Variants in UNC13A observed in about 807,000 individuals in gnomAD.
The protein encoded by UNC13A is unc-13 homolog A.
A neutral mutation model predicts 219.7 loss-of-function variants in UNC13A; 61 were observed. That is an observed-to-expected ratio of 0.28 (90% CI 0.23 to 0.34). The LOEUF is 0.34. Among genes scored for constraint, UNC13A ranks in the 10% least tolerant of loss-of-function variants. UNC13A has a pLI of 1.00. For synonymous variants in UNC13A, 920 were observed against 884.6 expected (o/e 1.04, Z -0.71); for missense variants, 1,476 against 2,270.3 (o/e 0.65, Z 7.11).
chr19:17,656,430 G>C, intron 9 of UNC13A, 32 bp from the exon 10 acceptor site: 1 of 1,471,974 alleles, frequency 6.8e-7, no homozygotes, highest in Non-Finnish European at 9.0e-7. Flanking sequence ...CAGGGACTGG[G>C]GTACCGAGTC....
chr19:17,684,837 G>C (rs1311792583), intron 1 of UNC13A, among the ~76,000 whole-genome samples: 1 of 152,248 alleles, frequency 6.6e-6, no homozygotes, highest in African/African-American at 2.4e-5. Flanking sequence ...GTGTCTAGGA[G>C]TGGGGTGTCA....
chr19:17,605,178 G>A lies in UNC13A; in HGVS notation c.*876C>T, dbSNP rs2076508145. The A allele has an allele frequency of 6.5e-6, 1 of 152,698 alleles. No individual in the cohort carries two copies. The highest frequency in any genetic ancestry group is 1.5e-5 in the Non-Finnish European group (1 of 68,092). The allele number at this position is 152,698 out of a possible 1,614,324, so 9.5% of individuals were successfully genotyped here. A position where few individuals can be genotyped will look rare whatever the true frequency, so the allele number is the denominator to read the frequency against. On this transcript the variant is annotated 3_prime_UTR_variant, in exon 44 of 44. Transcript: ENST00000519716. The stretch of plus-strand genomic sequence containing the variant: ...TAGCAGCAATAGGGAGCTGTGTCAG[G>A]TCATCCCGATCTCAGCCCACCCTTC...
At chr19:17,615,610 C>T (rs544997336) in intron 41 of UNC13A, among the ~76,000 whole-genome samples, 104 of 151,768 alleles carry the variant, frequency 6.9e-4, no homozygotes, top group Non-Finnish European at 1.2e-3. Context: ...AACCAGGAGG[C>T]GGACGGAGGT....
At chr19:17,614,749 G>A (rs1036945992) in intron 41 of UNC13A, among the ~76,000 whole-genome samples, 7 of 152,094 alleles carry the variant, frequency 4.6e-5, no homozygotes, top group African/African-American at 7.2e-5. Context: ...TTTGCTGCAC[G>A]CCCCAGGCCG....
intron 43 of UNC13A, 77 bp from the exon 44 acceptor site, chr19:17,606,431 T>G: frequency 6.7e-7 from 1 of 1,499,570 alleles, no homozygotes; most frequent in Non-Finnish European, 8.9e-7. Flanking sequence ...CCCCACCGCA[T>G]TTGCGGGCCA....
At chr19:17,650,642 TAA>T (rs2079326959) in intron 12 of UNC13A, among the ~76,000 whole-genome samples, 1 of 151,688 alleles carries the variant, frequency 6.6e-6, no homozygotes, top group South Asian at 2.1e-4. Flanking sequence ...AACGCCTGGC[TAA>T]TTTTTGTATT....
rs2079594108 is a variant in UNC13A, at chr19:17,663,774, CCT to C, written c.524-209_524-208del. 2.0e-5 allele frequency among the ~76,000 whole-genome samples: 3 copies of C among 151,866 alleles called. No individual in the cohort carries two copies. In the South Asian group the frequency reaches 6.3e-4, roughly 32 times the overall value. ...CACCTTGGGAGGAAGGTGGGATATC[CCT>C]GTTTGTTTATTTTTTTCTTTTCTTT... is the stretch of plus-strand genomic sequence containing the variant. On this transcript the variant is annotated intron_variant, in intron 7 of 43. Coordinates refer to ENST00000519716, the MANE Select transcript of UNC13A (RefSeq NM_001080421.3).
chr19:17,655,368 T>C lies in UNC13A; in HGVS notation c.1298A>G (p.Glu433Gly). 1 of 1,583,110 alleles carries C rather than the reference T, an allele frequency of 6.3e-7. No homozygotes were observed. Among genetic ancestry groups the C allele is most frequent in the Non-Finnish European group, 8.6e-7 (1 of 1,164,992 alleles). ...CTGCCCCTCCTGGCCTTCCTCATCC[T>C]CTCTCGGCCTGAAACTGAGGCAGGG... Reference protein sequence around the residue: ...PKDEESFRPREDEEGQEGQDS... With the variant: ...PKDEESFRPRGDEEGQEGQDS... The change falls in exon 11 of 44, where the codon GAG becomes GGG. Residue 433 changes from glutamate to glycine, a missense_variant. Around this residue, in one of 14 missense-constraint regions of UNC13A, gnomAD observed 351 missense variants for 342.6 expected, o/e 1.02. Transcript: ENST00000519716.
Position 17,626,776 on chromosome 19 carries a change from C to T in UNC13A, c.3930G>A (p.Pro1310=), listed in dbSNP as rs747744867. 3.9e-5 allele frequency: 62 copies of T among 1,609,884 alleles called. No individual in the cohort carries two copies. The highest frequency in any genetic ancestry group is 5.3e-5 in the African/African-American group (4 of 74,860). Residue 1310 remains proline, a synonymous_variant, in exon 34 of 44, where the codon CCG becomes CCA. Coordinates refer to ENST00000519716, the MANE Select transcript of UNC13A (RefSeq NM_001080421.3). ...LSRVFATSFQ[P]HIEECVKQMG... Reference sequence around the variant, plus strand: ...TCTGTTTGACACACTCTTCAATGTGCGGCTGGAAGCTGGGGACACAGAAGG... The same window carrying T: ...TCTGTTTGACACACTCTTCAATGTGTGGCTGGAAGCTGGGGACACAGAAGG...
At chr19:17,662,927 A>AG (rs1314831369) in intron 8 of UNC13A, among the ~76,000 whole-genome samples, 1 of 151,760 alleles carries the variant, frequency 6.6e-6, no homozygotes, top group Non-Finnish European at 1.5e-5. Context: ...CTCAAAAAAA[A>AG]AAAAAAAAAG....
intron 41 of UNC13A, chr19:17,616,279 G>C: frequency 1.8e-6 from 1 of 540,650 alleles, no homozygotes. Flanking sequence ...CCTCCAAGCC[G>C]CTCAGGCCTG....
chr19:17,679,001 GTA>G (rs2079954988), intron 1 of UNC13A, among the ~76,000 whole-genome samples: 1 of 152,144 alleles, frequency 6.6e-6, no homozygotes, highest in Non-Finnish European at 1.5e-5. Context: ...GCACATGCCT[GTA>G]ATCCCAGCTA....
intron 28 of UNC13A, 91 bp downstream of exon 28, chr19:17,632,691 C>A: frequency 2.5e-6 from 4 of 1,588,790 alleles, no homozygotes. Context: ...GCCCAGGTAA[C>A]CCTAAGTAGG....
chr19:17,686,298 G>GCC (rs533722538), intron 1 of UNC13A, among the ~76,000 whole-genome samples: 12 of 81,886 alleles, frequency 1.5e-4, no homozygotes, highest in East Asian at 1.7e-3. Flanking sequence ...TGAGATCCCC[G>GCC]CCCCCCCCCC....
chr19:17,685,830 G>C (rs957921196), intron 1 of UNC13A, among the ~76,000 whole-genome samples: 3 of 151,994 alleles, frequency 2.0e-5, no homozygotes, highest in Non-Finnish European at 2.9e-5. Context: ...TGGAGGGGAG[G>C]GGGGACAGGT....
chr19:17,676,887 G>A (rs1351963418), intron 1 of UNC13A, among the ~76,000 whole-genome samples: 6 of 152,216 alleles, frequency 3.9e-5, no homozygotes, highest in East Asian at 1.9e-4. Flanking sequence ...GGTGGCAGGC[G>A]CCTATAGTCT....
chr19:17,648,367 C>G (rs1275465944), intron 16 of UNC13A, 64 bp downstream of exon 16: 1 of 1,417,586 alleles, frequency 7.1e-7, no homozygotes, highest in Admixed American at 2.7e-5. Flanking sequence ...AGCCTTTCCC[C>G]GCCATGCAAG....
intron 3 of UNC13A, 88 bp from the exon 4 acceptor site, chr19:17,672,583 A>G: frequency 7.3e-6 from 7 of 964,648 alleles, no homozygotes; most frequent in Non-Finnish European, 1.1e-5. Flanking sequence ...GAGAACACAC[A>G]GCATACTGCA....
rs1273561220 is a variant in UNC13A at position 17,605,648 on chromosome 19, T to C, written c.*406A>G. 1.2e-5 allele frequency: 2 copies of C among 170,682 alleles called. No individual in the cohort carries two copies. Among genetic ancestry groups the C allele is most frequent in the East Asian group, 1.6e-4 (1 of 6,070 alleles). 10.6% of individuals were successfully genotyped at this position (170,682 alleles called of 1,614,324 possible). A position where few individuals can be genotyped will look rare whatever the true frequency, so the allele number is the denominator to read the frequency against. On this transcript the variant is annotated 3_prime_UTR_variant, in exon 44 of 44. Transcript: ENST00000519716. ...AGCTGAGATTTCCATACTTGGCAAT[T>C]GGTCTGGGGTCCCAGGGGTCTGGGT...
Sources: gnomAD v4.1 joint callset for allele counts (sites outside exome capture counted in the v4.1 genomes callset) on GRCh38, gnomAD v4.1.1 for gene constraint, gnomAD v4.1.1 regional missense constraint, MANE v1.5 for transcripts, NCBI Gene and HGNC (gene_info 2026-07-23, HGNC 2026-07-21) for gene names.